Variants in CALN1 observed in about 807,000 individuals in gnomAD.
CALN1 encodes the protein calneuron 1.
Under a neutral mutation model 30.6 loss-of-function variants are expected in CALN1, and 17 were observed. The ratio of observed to expected loss-of-function variants is 0.56; its 90% confidence interval spans 0.38 to 0.83. The LOEUF is 0.83. CALN1 is among the 40% of genes least tolerant of loss of function. The pLI is 0.00. For missense variants in CALN1, 291 were observed against 354.9 expected (o/e 0.82, Z 1.45); for synonymous variants, 156 against 131.4 (o/e 1.19, Z -1.28).
chr7:71,969,189 C>A (rs1797672695), intron 5 of CALN1, among the ~76,000 whole-genome samples: 1 of 152,106 alleles, frequency 6.6e-6, no homozygotes, highest in African/African-American at 2.4e-5. Context: ...TACAGCACTT[C>A]TCTTGAGTAC....
intron 1 of CALN1, among the ~76,000 whole-genome samples, chr7:72,436,835 G>A (rs906513155): frequency 3.0e-4 from 45 of 152,160 alleles, no homozygotes; most frequent in African/African-American, 8.9e-4. Flanking sequence ...TTCAGAAGGG[G>A]TGGGGCCCAA....
intron 1 of CALN1, among the ~76,000 whole-genome samples, chr7:72,409,897 T>C (rs1265578965): frequency 6.6e-6 from 1 of 152,180 alleles, no homozygotes; most frequent in African/African-American, 2.4e-5. Flanking sequence ...TTACAATTGT[T>C]GAGGGCCACA....
At chr7:72,268,794 C>CACACACACAAACACACACAA (rs745815601) in intron 3 of CALN1, among the ~76,000 whole-genome samples, 2 of 16,940 alleles carry the variant, frequency 1.2e-4, no homozygotes, top group African/African-American at 1.9e-4. Context: ...AAGACCCTGC[C>CACACACACAAACACACACAA]ACACACACAC....
At chr7:72,172,565 A>G (rs1789045392) in intron 3 of CALN1, among the ~76,000 whole-genome samples, 1 of 152,254 alleles carries the variant, frequency 6.6e-6, no homozygotes, top group Non-Finnish European at 1.5e-5. Flanking sequence ...AGTCATCTAC[A>G]GAAATATATC....
At chr7:72,296,537 A>G (rs1219479640) in intron 2 of CALN1, among the ~76,000 whole-genome samples, 1 of 147,536 alleles carries the variant, frequency 6.8e-6, no homozygotes. Context: ...CCACAATTTC[A>G]GCTCCTGTTA....
chr7:72,368,806 AC>A (rs1379459366), intron 2 of CALN1, among the ~76,000 whole-genome samples: 3 of 144,134 alleles, frequency 2.1e-5, no homozygotes, highest in South Asian at 2.2e-4. Flanking sequence ...ATGGTTTGAA[AC>A]CCTTTTTTTT....
Position 71,858,778 on chromosome 7 carries a change from G to A in CALN1, c.502-48286C>T, listed in dbSNP as rs146602381. ...CACCTCAAGTTGTCTTGCCTTTCCC[G>A]ACCTAACCAATGTACATTTTACACA... On this transcript the variant is annotated intron_variant, in intron 5 of 6. Coordinates refer to ENST00000395275, the MANE Select transcript of CALN1 (RefSeq NM_031468.4). Among the ~76,000 whole-genome samples, 974 of 152,048 alleles carry A rather than the reference G, an allele frequency of 6.4e-3. 5 individuals carry two copies. Among genetic ancestry groups the A allele is most frequent in the Non-Finnish European group, 9.2e-3 (628 of 68,004 alleles).
At chr7:72,079,573 G>A (rs1440101152) in intron 4 of CALN1, among the ~76,000 whole-genome samples, 8 of 152,042 alleles carry the variant, frequency 5.3e-5, no homozygotes, top group Admixed American at 3.9e-4. Flanking sequence ...AATAAATGCT[G>A]AAACTTAATG....
intron 3 of CALN1, among the ~76,000 whole-genome samples, chr7:72,180,366 T>C (rs565466504): frequency 1.3e-5 from 2 of 152,224 alleles, no homozygotes; most frequent in Non-Finnish European, 2.9e-5. Context: ...ATGTGCATTG[T>C]CAAGTTCTCC....
chr7:71,864,607 AG>A (rs1791482865), intron 5 of CALN1, among the ~76,000 whole-genome samples: 1 of 152,346 alleles, frequency 6.6e-6, no homozygotes, highest in Non-Finnish European at 1.5e-5. Context: ...TCCCAGGCAG[AG>A]GACCCACCTA....
intron 6 of CALN1, among the ~76,000 whole-genome samples, chr7:71,804,363 C>A (rs1372385883): frequency 1.3e-5 from 2 of 151,972 alleles, no homozygotes; most frequent in African/African-American, 4.8e-5. Flanking sequence ...AAAAAGTTAG[C>A]CTGGCATGGT....
intron 3 of CALN1, among the ~76,000 whole-genome samples, chr7:72,215,411 T>C (rs1479745251): frequency 6.6e-6 from 1 of 151,968 alleles, no homozygotes; most frequent in Non-Finnish European, 1.5e-5. Context: ...CTGGTCAACA[T>C]GGTGAAACCC....
the CALN1 span, among the ~76,000 whole-genome samples, chr7:72,490,796 C>T: frequency 6.6e-6 from 1 of 152,204 alleles, no homozygotes; most frequent in East Asian, 1.9e-4. Flanking sequence ...CCCAGCCATG[C>T]TTCCTGTACA....
chr7:71,891,682 G>A (rs78353775), intron 5 of CALN1, among the ~76,000 whole-genome samples: 17,683 of 152,184 alleles, frequency 0.12, 1,494 homozygotes, highest in East Asian at 0.43. Flanking sequence ...GATGGCTCAC[G>A]CCTGTAATCC....
At chr7:72,197,288 G>A (rs1341100493) in intron 3 of CALN1, among the ~76,000 whole-genome samples, 2 of 135,734 alleles carry the variant, frequency 1.5e-5, no homozygotes, top group African/African-American at 2.7e-5. Context: ...TGCAACCTCC[G>A]CCTCCCAGGT....
intron 5 of CALN1, among the ~76,000 whole-genome samples, chr7:71,990,477 T>G (rs1260091315): frequency 2.0e-5 from 3 of 152,086 alleles, no homozygotes; most frequent in African/African-American, 7.2e-5. Flanking sequence ...CTTTTTTTTT[T>G]TTCTCCATTC....
At chr7:72,122,243 G>A (rs757735395) in intron 3 of CALN1, among the ~76,000 whole-genome samples, 4 of 152,122 alleles carry the variant, frequency 2.6e-5, no homozygotes, top group Non-Finnish European at 4.4e-5. Flanking sequence ...AGCTGCAAAC[G>A]TTAATATACG....
At chr7:71,907,968 G>A (rs1329426696) in intron 5 of CALN1, among the ~76,000 whole-genome samples, 1 of 152,366 alleles carries the variant, frequency 6.6e-6, no homozygotes, top group East Asian at 1.9e-4. Context: ...GGACATGGGG[G>A]CAACGTTGAA....
chr7:72,390,847 T>C (rs1805534504), intron 2 of CALN1, among the ~76,000 whole-genome samples: 1 of 152,270 alleles, frequency 6.6e-6, no homozygotes, highest in Non-Finnish European at 1.5e-5. Flanking sequence ...TTTGATACCA[T>C]GCTTATGTAT....
Sources: allele counts gnomAD v4.1 joint callset (sites outside exome capture counted in the v4.1 genomes callset), GRCh38; gene constraint gnomAD v4.1.1; transcripts MANE v1.5; gene names NCBI Gene and HGNC (gene_info 2026-07-23, HGNC 2026-07-21).